Variants in ITGB2 observed in about 807,000 individuals in gnomAD.
ITGB2 encodes the protein integrin beta-2.
ITGB2 carries 56 observed loss-of-function variants against 86.8 expected under a neutral mutation model. That is an observed-to-expected ratio of 0.65 (90% CI 0.52 to 0.81). The LOEUF (loss-of-function observed/expected upper bound fraction) is 0.81, where lower values mean the gene tolerates loss of function less well. ITGB2 is among the 30% of genes least tolerant of loss of function. ITGB2 has a pLI of 0.00. For synonymous variants in ITGB2, 457 were observed against 450.4 expected, an observed-to-expected ratio of 1.01 and a Z score of -0.19; for missense variants, 948 against 1,061.2, an observed-to-expected ratio of 0.89 and a Z score of 1.48.
At chr21:44,896,842 G>A (rs1452218592) in intron 8 of ITGB2, among the ~76,000 whole-genome samples, 5 of 152,258 alleles carry the variant, frequency 3.3e-5, no homozygotes, top group African/African-American at 1.2e-4. Context: ...TAGGCATGGG[G>A]TGCACTCTAC....
intron 7 of ITGB2, 83 bp downstream of exon 7, chr21:44,900,237 T>G (rs1460916434): frequency 6.4e-7 from 1 of 1,552,696 alleles, no homozygotes; most frequent in Admixed American, 1.7e-5. Flanking sequence ...AAGGAGGCTC[T>G]GTCAGGTGGA....
Position 44,888,825 on chromosome 21 carries a change from G to A in ITGB2, c.1948C>T (p.Leu650=), listed in dbSNP as rs2146496153. ...TTCACGGGGTTGTTCGACAGCTGCA[G>A]GCCCGGACACGCCGCGCTGCAGTTC... The part of the protein sequence containing the change: ...GKNCSAACPG[L]QLSNNPVKGR... The change falls in exon 14 of 16, where the codon CTG becomes TTG. Residue 650 remains leucine, a synonymous_variant. Transcript: ENST00000652462. 1 of 1,611,270 alleles carries A rather than the reference G, an allele frequency of 6.2e-7. No homozygotes were observed. Among genetic ancestry groups the A allele is most frequent in the Non-Finnish European group, 8.5e-7 (1 of 1,179,978 alleles).
rs1453151440 is a variant in ITGB2, at chr21:44,886,450, G to A, written c.2248-20C>T. The A allele has an allele frequency of 6.2e-7, 1 of 1,613,458 alleles. No homozygotes were observed. The highest frequency in any genetic ancestry group is 1.3e-5 in the African/African-American group (1 of 74,900). The stretch of plus-strand genomic sequence containing the variant: ...ATTATCCTGGTGGGAAATGCAAACA[G>A]GGGCTTGTGAGTGTGGGAGGTTTTC... On this transcript the variant is annotated intron_variant, in intron 15 of 15. Coordinates refer to ENST00000652462, the MANE Select transcript of ITGB2 (RefSeq NM_000211.5).
rs540038454 is a variant in ITGB2, at chr21:44,886,879, C to T, written c.2104G>A (p.Ala702Thr). 3.8e-5 allele frequency: 62 copies of T among 1,613,332 alleles called. No individual in the cohort carries two copies. The highest frequency in any genetic ancestry group is 3.6e-4 in the South Asian group (33 of 91,080). ...GCCACGGTGCCCCCGACGATGGCGG[C>T]GATGTTGGGGCCTGCCACACACTCT... ...SRECVAGPNIAAIVGGTVAGI... is the reference protein window; with the variant it reads ...SRECVAGPNITAIVGGTVAGI... The change falls in exon 15 of 16, where the codon GCC becomes ACC. Residue 702 changes from alanine (A) to threonine (T), a missense_variant. Coordinates refer to ENST00000652462, the MANE Select transcript of ITGB2 (RefSeq NM_000211.5).
chr21:44,923,270 A>G (rs2084331982), upstream of ITGB2, among the ~76,000 whole-genome samples: 1 of 152,184 alleles, frequency 6.6e-6, no homozygotes, highest in Non-Finnish European at 1.5e-5. Context: ...GAGACCCTTT[A>G]GATTAAGAGA....
At chr21:44,920,141 T>G (rs560388658) in intron 1 of ITGB2, among the ~76,000 whole-genome samples, 1 of 152,160 alleles carries the variant, frequency 6.6e-6, no homozygotes, top group East Asian at 1.9e-4. Flanking sequence ...GCATGGAGCA[T>G]GTGCCACACC....
chr21:44,888,598 G>C (rs2146495432), intron 14 of ITGB2, 95 bp downstream of exon 14: 2 of 1,388,058 alleles, frequency 1.4e-6, no homozygotes, highest in Non-Finnish European at 2.0e-6. Flanking sequence ...CACAACACTG[G>C]AGGTGAGATC....
chr21:44,918,331 C>A (rs1034105178), intron 1 of ITGB2, among the ~76,000 whole-genome samples: 3 of 152,266 alleles, frequency 2.0e-5, no homozygotes, highest in Admixed American at 2.0e-4. Flanking sequence ...GGAATCGCCA[C>A]AGGCGTCACG....
intron 1 of ITGB2, among the ~76,000 whole-genome samples, chr21:44,919,264 C>T (rs879429417): frequency 1.3e-5 from 2 of 152,212 alleles, no homozygotes; most frequent in Non-Finnish European, 2.9e-5. Flanking sequence ...TGGGCTCAGC[C>T]GCCGCCCTGC....
chr21:44,891,165 C>T (rs1320745742), intron 11 of ITGB2, among the ~76,000 whole-genome samples: 2 of 152,212 alleles, frequency 1.3e-5, no homozygotes, highest in Non-Finnish European at 2.9e-5. Context: ...GGGGGACAGC[C>T]ATCCAGCCCC....
At chr21:44,901,395 C>A (rs1400888282) in intron 6 of ITGB2, 97 bp downstream of exon 6, 3 of 1,480,610 alleles carry the variant, frequency 2.0e-6, no homozygotes, top group Non-Finnish European at 2.7e-6. Flanking sequence ...CCTCAGACGA[C>A]CTGCCGGCCA....
intron 1 of ITGB2, among the ~76,000 whole-genome samples, chr21:44,916,157 G>T (rs546273136): frequency 1.3e-5 from 2 of 151,918 alleles, no homozygotes; most frequent in South Asian, 2.1e-4. Context: ...TCCTGACCTC[G>T]TGATCCGCCT....
intron 13 of ITGB2, 39 bp downstream of exon 13, chr21:44,889,237 G>A: frequency 3.1e-6 from 5 of 1,593,292 alleles, no homozygotes; most frequent in Non-Finnish European, 4.3e-6. Context: ...CCGGGGAGTG[G>A]GGATCCCTGC....
rs532549487 is a variant in ITGB2 at position 44,889,036 on chromosome 21, C to T, written c.1878-141G>A. 43 of 731,008 alleles carry T rather than the reference C, an allele frequency of 5.9e-5. No homozygotes were observed. In the African/African-American group the frequency reaches 6.4e-4, roughly 11 times the overall value. The allele number at this position is 731,008 out of a possible 1,614,324, so 45.3% of individuals were successfully genotyped here. ...GGCCAAGGAGGGGGCCCAAGTGGGG[C>T]AGATGCGGGTGCAGCGGGTGAACTG... On this transcript the variant is annotated intron_variant, in intron 13 of 15. Transcript: ENST00000652462.
chr21:44,887,369 C>A (rs185439862), intron 14 of ITGB2, among the ~76,000 whole-genome samples: 20 of 152,160 alleles, frequency 1.3e-4, no homozygotes, highest in African/African-American at 4.8e-4. Flanking sequence ...GGATGAGCAA[C>A]GCAAGGTCCT....
chr21:44,888,584 G>A lies in ITGB2; in HGVS notation c.2080+109C>T, dbSNP rs143733590. On this transcript the variant is annotated intron_variant, in intron 14 of 15. Transcript: ENST00000652462. ...CCCGCATGGCTCATCCACCCTGCTG[G>A]GCCCACAACACTGGAGGTGAGATCC... 2,301 of 1,270,542 alleles carry A rather than the reference G, an allele frequency of 1.8e-3. 40 individuals carry two copies. Among genetic ancestry groups the A allele is most frequent in the East Asian group, 5.5e-3 (222 of 40,728 alleles). The allele number at this position is 1,270,542 out of a possible 1,614,324, so 78.7% of individuals were successfully genotyped here. A position where few individuals can be genotyped will look rare whatever the true frequency, so the allele number is the denominator to read the frequency against.
At chr21:44,889,066 C>T (rs562995094) in intron 13 of ITGB2, 171 bp from the exon 14 acceptor site, 821 of 710,038 alleles carry the variant, frequency 1.2e-3, no homozygotes, top group Non-Finnish European at 1.6e-3. Context: ...GAACTGGAAG[C>T]CTGATCCCAG....
chr21:44,889,954 T>C (rs1487472662), intron 12 of ITGB2, 24 bp downstream of exon 12: 2 of 1,612,370 alleles, frequency 1.2e-6, no homozygotes, highest in Non-Finnish European at 1.7e-6. Flanking sequence ...ACGGCCGTTG[T>C]CCAGCAGGGA....
At chr21:44,892,351 G>A (rs2083798276) in intron 10 of ITGB2, among the ~76,000 whole-genome samples, 2 of 150,948 alleles carry the variant, frequency 1.3e-5, no homozygotes, top group Non-Finnish European at 1.5e-5. Context: ...TGGGCGCCGC[G>A]GCTCACGCCT....
Sources: gnomAD v4.1 joint callset for allele counts (sites outside exome capture counted in the v4.1 genomes callset) on GRCh38, gnomAD v4.1.1 for gene constraint, MANE v1.5 for transcripts, NCBI Gene and HGNC (gene_info 2026-07-23, HGNC 2026-07-21) for gene names.